Variants in SGCD observed in about 807,000 individuals in gnomAD.
SGCD encodes sarcoglycan delta.
In SGCD, 18 loss-of-function variants were observed where a neutral mutation model predicts 36.6. That is an observed-to-expected ratio of 0.49 (90% CI 0.34 to 0.73). The LOEUF is 0.73. Among genes scored for constraint, SGCD ranks in the 30% least tolerant of loss-of-function variants. The probability of loss-of-function intolerance (pLI) is 0.01; values close to 1 mark genes in which losing one functional copy is unlikely to be tolerated. For synonymous variants in SGCD, 133 were observed against 130.6 expected (o/e 1.02, Z -0.12); for missense variants, 387 against 346.7 (o/e 1.12, Z -0.92).
At chr5:156,159,675 A>AATTTCTAC (rs1763045020) in intron 3 of SGCD, among the ~76,000 whole-genome samples, 3 of 151,670 alleles carry the variant, frequency 2.0e-5, no homozygotes, top group Non-Finnish European at 4.4e-5. Flanking sequence ...AAATATAGAA[A>AATTTCTAC]AGTATCTACA....
intron 4 of SGCD, among the ~76,000 whole-genome samples, chr5:156,525,764 A>G (rs7715938): frequency 0.23 from 35,680 of 152,032 alleles, 4,792 homozygotes; most frequent in Non-Finnish European, 0.31. Context: ...TGTGTACAGT[A>G]TAAAATAAGG....
chr5:156,060,592 A>C (rs1581070141), intron 1 of SGCD, among the ~76,000 whole-genome samples: 1 of 145,890 alleles, frequency 6.9e-6, no homozygotes, highest in Non-Finnish European at 1.5e-5. Context: ...TTCCAAAGAA[A>C]TTTATGTACC....
chr5:156,732,879 A>G (rs936235234), intron 7 of SGCD, among the ~76,000 whole-genome samples: 33 of 152,006 alleles, frequency 2.2e-4, no homozygotes, highest in Non-Finnish European at 5.9e-5. Context: ...GGTGTTCATA[A>G]TATTCTGTGA....
intron 3 of SGCD, among the ~76,000 whole-genome samples, chr5:156,412,787 C>CTTTTTTTTTTTTTTTTTTTTTT: frequency 9.5e-6 from 1 of 105,016 alleles, no homozygotes; most frequent in South Asian, 3.2e-4. Context: ...AGGGTTGGTT[C>CTTTTTTTTTTTTTTTTTTTTTT]TTTTTTTTTT....
chr5:156,449,677 C>CAAAAAAAAAAAAAAAAAAAAAAAA (rs397883573), intron 3 of SGCD, among the ~76,000 whole-genome samples: 1 of 46,054 alleles, frequency 2.2e-5, no homozygotes, highest in Non-Finnish European at 3.9e-5. Context: ...ACTAAAAATA[C>CAAAAAAAAAAAAAAAAAAAAAAAA]AAAAAAAAAA....
intron 6 of SGCD, among the ~76,000 whole-genome samples, chr5:156,645,721 C>T (rs567214396): frequency 4.4e-4 from 67 of 152,206 alleles, no homozygotes; most frequent in African/African-American, 1.5e-3. Flanking sequence ...GGAAAAATTT[C>T]CTGACTTCCC....
intron 3 of SGCD, among the ~76,000 whole-genome samples, chr5:156,147,415 C>T (rs1034495861): frequency 5.3e-5 from 8 of 152,328 alleles, no homozygotes; most frequent in African/African-American, 1.9e-4. Flanking sequence ...TCTTAGGATG[C>T]TTTCCGGACT....
chr5:156,002,045 A>G (rs1465152150), intron 1 of SGCD, among the ~76,000 whole-genome samples: 1 of 152,236 alleles, frequency 6.6e-6, no homozygotes, highest in Non-Finnish European at 1.5e-5. Flanking sequence ...GAAAGATAAG[A>G]TGACGTTACA....
intron 3 of SGCD, among the ~76,000 whole-genome samples, chr5:156,166,019 C>T (rs1763203228): frequency 6.6e-6 from 1 of 152,116 alleles, no homozygotes; most frequent in Non-Finnish European, 1.5e-5. Context: ...GAAAACTGTT[C>T]CTCTAGTATC....
chr5:156,130,441 C>G (rs1762291306), intron 3 of SGCD, among the ~76,000 whole-genome samples: 1 of 152,170 alleles, frequency 6.6e-6, no homozygotes, highest in Non-Finnish European at 1.5e-5. Context: ...GTTGTTTACT[C>G]TGTTGAAAGT....
At chr5:156,053,319 C>G (rs1759969720) in intron 1 of SGCD, among the ~76,000 whole-genome samples, 1 of 145,794 alleles carries the variant, frequency 6.9e-6, no homozygotes. Flanking sequence ...CCATCCTGGA[C>G]AGAGGGCAGC....
intron 3 of SGCD, among the ~76,000 whole-genome samples, chr5:156,395,158 A>G (rs1771781409): frequency 6.6e-6 from 1 of 152,232 alleles, no homozygotes; most frequent in South Asian, 2.1e-4. Flanking sequence ...GAGTCAAGCC[A>G]TCACTTTCAT....
At chr5:155,988,892 A>G (rs1261554468) in intron 1 of SGCD, among the ~76,000 whole-genome samples, 3 of 152,214 alleles carry the variant, frequency 2.0e-5, no homozygotes, top group Non-Finnish European at 2.9e-5. Context: ...TATAACTATT[A>G]TAGTTTTTGA....
rs530961456 is a variant in SGCD, at chr5:156,261,520, G to A, written c.-43-68014G>A. Among the ~76,000 whole-genome samples the A allele has an allele frequency of 3.9e-5, 6 of 152,238 alleles. No homozygotes were observed. The South Asian group carries it at 1.2e-3, about 32-fold the overall frequency. The stretch of plus-strand genomic sequence containing the variant: ...TACTCACGTGCTTGTGGGAATGCTG[G>A]TATGAGCAAACCTGCACTGCCATTA... On this transcript the variant is annotated intron_variant, in intron 3 of 9. Transcript: ENST00000517913.
intron 3 of SGCD, among the ~76,000 whole-genome samples, chr5:156,239,174 T>C: frequency 6.6e-6 from 1 of 151,942 alleles, no homozygotes; most frequent in East Asian, 1.9e-4. Flanking sequence ...CCGAGGTGGA[T>C]GGATCACTTG....
chr5:156,368,762 T>C (rs1263464352), intron 3 of SGCD, among the ~76,000 whole-genome samples: 1 of 152,204 alleles, frequency 6.6e-6, no homozygotes, highest in African/African-American at 2.4e-5. Flanking sequence ...CTTATGAGAA[T>C]CTAATGCCCG....
At chr5:156,695,411 G>C (rs1377429838) in intron 7 of SGCD, among the ~76,000 whole-genome samples, 1 of 151,994 alleles carries the variant, frequency 6.6e-6, no homozygotes, top group Non-Finnish European at 1.5e-5. Flanking sequence ...CTCTTCTCCA[G>C]TCCTGCTGAG....
chr5:156,091,295 G>A (rs11738430), intron 1 of SGCD, among the ~76,000 whole-genome samples: 5,855 of 152,212 alleles, frequency 0.038, 132 homozygotes, highest in Non-Finnish European at 0.052. Flanking sequence ...TTCTTCTGCC[G>A]TGGCTTCAGC....
intron 3 of SGCD, among the ~76,000 whole-genome samples, chr5:156,136,409 C>G (rs1762457568): frequency 6.6e-6 from 1 of 152,196 alleles, no homozygotes; most frequent in African/African-American, 2.4e-5. Flanking sequence ...ATTATGCTAG[C>G]CTCAATCACT....
Sources: gnomAD v4.1 joint callset for allele counts (sites outside exome capture counted in the v4.1 genomes callset) on GRCh38, gnomAD v4.1.1 for gene constraint, MANE v1.5 for transcripts, NCBI Gene and HGNC (gene_info 2026-07-23, HGNC 2026-07-21) for gene names.